The following NEB variants were observed in gnomAD, a reference collection of about 807,000 sequenced individuals.
The protein encoded by NEB is nemaline myopathy type 2.
A neutral mutation model predicts 952.2 loss-of-function variants in NEB; 512 were observed. The ratio of observed to expected loss-of-function variants is 0.54; its 90% confidence interval spans 0.50 to 0.58. NEB has a LOEUF of 0.58. NEB is among the 20% of genes least tolerant of loss of function. The pLI is 0.00. For missense variants in NEB, 8,428 were observed against 9,231.1 expected, an observed-to-expected ratio of 0.91 and a Z score of 3.56; for synonymous variants, 2,900 against 3,149.8, an observed-to-expected ratio of 0.92 and a Z score of 2.66.
In NEB at chr2:151,694,390, C is replaced by T. The variant is rs139125293; in HGVS notation, c.1829G>A (p.Gly610Glu). The T allele has an allele frequency of 2.7e-5, 44 of 1,613,964 alleles. No individual in the cohort carries two copies. In the East Asian group the frequency reaches 8.9e-4, roughly 33 times the overall value. The change falls in exon 20 of 182, where the codon GGA becomes GAA. Residue 610 changes from glycine to glutamate, a missense_variant. Physicochemically the swap from Gly to Glu is moderately conservative, Grantham distance 98 (BLOSUM62 -2). Around this residue, in one of 11 missense-constraint regions of NEB, gnomAD observed 2,851 missense variants for 2,791.5 expected, o/e 1.02. Transcript: ENST00000397345. ...GGGATCGTCATTAATGCTGAGGACT[C>T]CAATCATTTTCCCTTTGTTTTTTTC... Reference protein sequence around the residue: ...DYEKNKGKMIGVLSINDDPKM... With the variant: ...DYEKNKGKMIEVLSINDDPKM...
At chr2:151,515,382 A>G (rs988357225) in intron 157 of NEB, among the ~76,000 whole-genome samples, 2 of 152,168 alleles carry the variant, frequency 1.3e-5, no homozygotes, top group African/African-American at 2.4e-5. Flanking sequence ...TTTCCTAATC[A>G]TGACCTGTTT....
At chr2:151,532,590 A>C (rs867003513) in intron 143 of NEB, among the ~76,000 whole-genome samples, 2 of 152,126 alleles carry the variant, frequency 1.3e-5, no homozygotes, top group African/African-American at 4.8e-5. Flanking sequence ...AGGATCATAT[A>C]AGGACAAAGG....
Position 151,493,804 on chromosome 2 carries a change from C to G in NEB, c.24643G>C (p.Val8215Leu). 6.3e-7 allele frequency: 1 copy of G among 1,585,638 alleles called. No homozygotes were observed. The highest frequency in any genetic ancestry group is 8.6e-7 in the Non-Finnish European group (1 of 1,163,952). The stretch of plus-strand genomic sequence containing the variant: ...CTAAAGTTTTCTTGATTGCGTTTCA[C>G]TCTTTCCATCTCAGGAGTAAAGGGT... ...PTPFTPEMERVKRNQENFSSV... is the reference protein window; with the variant it reads ...PTPFTPEMERLKRNQENFSSV... Residue 8215 changes from valine (V) to leucine (L), a missense_variant, in exon 175 of 182, where the codon GTG becomes CTG. Coordinates refer to ENST00000397345, the MANE Select transcript of NEB (RefSeq NM_001164508.2).
chr2:151,553,158 TAGAA>T (rs1392989313), intron 127 of NEB, among the ~76,000 whole-genome samples: 1 of 152,088 alleles, frequency 6.6e-6, no homozygotes, highest in Non-Finnish European at 1.5e-5. Flanking sequence ...GCCTAAAACA[TAGAA>T]AGAGAAGATG....
chr2:151,546,019 CAG>C (rs774869589), intron 134 of NEB, 21 bp from the exon 135 acceptor site: 29 of 677,576 alleles, frequency 4.3e-5, no homozygotes, highest in Non-Finnish European at 6.0e-5. Flanking sequence ...AAAAAAAAAA[CAG>C]AAATACAAGT....
chr2:151,541,076 A>T (rs2093987590), intron 136 of NEB, among the ~76,000 whole-genome samples: 1 of 152,098 alleles, frequency 6.6e-6, no homozygotes, highest in African/African-American at 2.4e-5. Context: ...TAACAGAAGT[A>T]TGAGAAGATT....
At chr2:151,612,529 A>T in intron 77 of NEB, 140 bp from the exon 78 acceptor site, 1 of 858,750 alleles carries the variant, frequency 1.2e-6, no homozygotes, top group Middle Eastern at 3.2e-4. Context: ...GGATTGCTTT[A>T]CTTTGGTTTA....
At chr2:151,547,145 G>A (rs1368245373) in intron 133 of NEB, among the ~76,000 whole-genome samples, 1 of 152,132 alleles carries the variant, frequency 6.6e-6, no homozygotes, top group African/African-American at 2.4e-5. Context: ...GGGAGTTAGG[G>A]AGTGAGGAGT....
At chr2:151,531,583 C>T (rs1233251685) in intron 144 of NEB, among the ~76,000 whole-genome samples, 3 of 152,188 alleles carry the variant, frequency 2.0e-5, no homozygotes, top group African/African-American at 7.2e-5. Flanking sequence ...TCCCAAAGTG[C>T]TGGAATTACA....
chr2:151,529,562 T>C (rs1323386935), intron 145 of NEB, among the ~76,000 whole-genome samples: 1 of 150,882 alleles, frequency 6.6e-6, no homozygotes, highest in East Asian at 2.0e-4. Flanking sequence ...ACAGATTCTC[T>C]CTCTGTCACC....
At chr2:151,627,439 G>C (rs903561457) in intron 69 of NEB, 84 bp downstream of exon 69, 28 of 1,544,294 alleles carry the variant, frequency 1.8e-5, no homozygotes, top group Non-Finnish European at 2.4e-5. Context: ...CCTTCTGAAG[G>C]TTCTACCTAA....
chr2:151,627,955 T>C (rs1030907429), intron 68 of NEB, 121 bp from the exon 69 acceptor site: 6 of 1,254,996 alleles, frequency 4.8e-6, no homozygotes, highest in South Asian at 1.5e-5. Flanking sequence ...AGAATCTGCA[T>C]ATCAGTTTAT....
rs779827612 is a variant in NEB, at chr2:151,619,587, A to C, written c.10736T>G (p.Leu3579Arg). ...KTRYSSPVDM[L>R]GIVLAKKCQT... The stretch of plus-strand genomic sequence containing the variant: ...ACACTTCTTGGCCAAAACGATACCA[A>C]GCATGTCCACTGGGCTGCTGTACCT... The change falls in exon 73 of 182, where the codon CTT (leucine) becomes CGT (arginine). Residue 3579 changes from leucine (L) to arginine (R), a missense_variant. Around this residue, in one of 11 missense-constraint regions of NEB, gnomAD observed 1,772 missense variants for 1,960.3 expected, o/e 0.90. Coordinates refer to ENST00000397345, the MANE Select transcript of NEB (RefSeq NM_001164508.2). 1.2e-6 allele frequency: 2 copies of C among 1,613,836 alleles called. No homozygotes were observed. Among genetic ancestry groups the C allele is most frequent in the Non-Finnish European group, 1.7e-6 (2 of 1,179,868 alleles).
chr2:151,497,158 T>C (rs1251988442), intron 171 of NEB, 125 bp from the exon 172 acceptor site: 11 of 1,323,990 alleles, frequency 8.3e-6, no homozygotes, highest in South Asian at 2.8e-5. Context: ...CCAGAAGTTA[T>C]ATGCTGACAA....
intron 129 of NEB, among the ~76,000 whole-genome samples, chr2:151,550,288 A>C (rs1030443651): frequency 6.6e-6 from 1 of 151,000 alleles, no homozygotes; most frequent in East Asian, 2.0e-4. Context: ...AAAAAAAAAA[A>C]AACACTAATT....
At position 151,694,188 on chromosome 2, in the gene NEB, C is replaced by T. The variant is rs1425756583; in HGVS notation, c.1896+135G>A. The T allele has an allele frequency of 5.1e-6, 4 of 780,624 alleles. No homozygotes were observed. In the South Asian group the frequency reaches 5.5e-5, roughly 11 times the overall value. The allele number at this position is 780,624 out of a possible 1,614,324, so 48.4% of individuals were successfully genotyped here. A position where few individuals can be genotyped will look rare whatever the true frequency, so the allele number is the denominator to read the frequency against. On this transcript the variant is annotated intron_variant, in intron 20 of 181. Coordinates refer to ENST00000397345, the MANE Select transcript of NEB (RefSeq NM_001164508.2). ...AAGGAAGTTCATCTTCCTTTAGCAC[C>T]TGGGTGAAGCTTTCATGTGTGATTT...
chr2:151,542,259 G>A (rs1262138587), intron 135 of NEB, among the ~76,000 whole-genome samples: 1 of 152,144 alleles, frequency 6.6e-6, no homozygotes, highest in Admixed American at 6.5e-5. Context: ...AAAGGCTGCT[G>A]TTAACTGGGG....
At chr2:151,692,426 A>T (rs767701289) in intron 20 of NEB, 64 bp from the exon 21 acceptor site, 9 of 1,281,802 alleles carry the variant, frequency 7.0e-6, no homozygotes, top group Non-Finnish European at 9.9e-6. Context: ...AGTAAAAGTC[A>T]TTCATGTCTT....
intron 20 of NEB, 194 bp from the exon 21 acceptor site, chr2:151,692,556 A>G: frequency 1.6e-6 from 1 of 620,714 alleles, no homozygotes; most frequent in South Asian, 1.8e-5. Flanking sequence ...TCTGCTAATA[A>G]TCATGAAGAT....
Sources: allele counts gnomAD v4.1 joint callset (sites outside exome capture counted in the v4.1 genomes callset), GRCh38; gene constraint gnomAD v4.1.1; regional missense constraint gnomAD v4.1.1; transcripts MANE v1.5; gene names NCBI Gene and HGNC (gene_info 2026-07-23, HGNC 2026-07-21).